Variants in SASS6 observed in about 807,000 individuals in gnomAD.
SASS6 encodes SAS-6 centriolar assembly protein, also known as spindle assembly abnormal protein 6 homolog.
Under a neutral mutation model 94.9 loss-of-function variants are expected in SASS6, and 59 were observed. The ratio of observed to expected loss-of-function variants is 0.62; its 90% CI spans 0.50 to 0.77. SASS6 has a LOEUF of 0.77. Among genes scored for constraint, SASS6 ranks in the 30% least tolerant of loss-of-function variants. SASS6 has a pLI of 0.00. For synonymous variants in SASS6, 264 were observed against 270.0 expected (o/e 0.98, Z 0.22); for missense variants, 698 against 734.1 (o/e 0.95, Z 0.57).
chr1:100,122,631 C>T (rs1320624372), intron 3 of SASS6, 147 bp from the exon 4 acceptor site: 1 of 386,604 alleles, frequency 2.6e-6, no homozygotes, highest in Non-Finnish European at 4.5e-6. Flanking sequence ...TGGCTCACTG[C>T]AACCTCTGCC....
intron 12 of SASS6, 125 bp downstream of exon 12, chr1:100,106,787 G>T: frequency 1.7e-6 from 1 of 572,726 alleles, no homozygotes; most frequent in East Asian, 3.3e-5. Context: ...CAAAGTGGTG[G>T]AGGCTGCAGT....
intron 7 of SASS6, among the ~76,000 whole-genome samples, chr1:100,112,337 T>C (rs962168803): frequency 6.6e-6 from 1 of 152,082 alleles, no homozygotes; most frequent in African/African-American, 2.4e-5. Flanking sequence ...TGATGAAATA[T>C]AGAAGTCAGA....
At chr1:100,092,172 AAT>A (rs147128992) in intron 14 of SASS6, among the ~76,000 whole-genome samples, 11,238 of 151,060 alleles carry the variant, frequency 0.074, 633 homozygotes, top group African/African-American at 0.16. Context: ...AAAAACTAAA[AAT>A]ATATATATAT....
chr1:100,111,697 A>T (rs1653343945), intron 7 of SASS6, among the ~76,000 whole-genome samples: 1 of 152,152 alleles, frequency 6.6e-6, no homozygotes, highest in Non-Finnish European at 1.5e-5. Flanking sequence ...GGAATTTTAC[A>T]TTACTACTTC....
intron 7 of SASS6, among the ~76,000 whole-genome samples, chr1:100,113,380 G>A (rs902895151): frequency 1.2e-4 from 18 of 151,940 alleles, no homozygotes; most frequent in Admixed American, 4.6e-4. Flanking sequence ...AGGCTGAGGC[G>A]GGCGGATCAC....
rs1651150384 is a variant in SASS6 at position 100,085,267 on chromosome 1, CAT to C, written c.*59_*60del. 24 of 1,024,176 alleles carry C rather than the reference CAT, an allele frequency of 2.3e-5. 1 individual carries two copies. In the South Asian group the frequency reaches 2.7e-4, roughly 11 times the overall value. The allele number at this position is 1,024,176 out of a possible 1,614,324, so 63.4% of individuals were successfully genotyped here. Reference sequence around the variant, plus strand: ...TATTTGAGGATCTGGTTTGTGTTGACATATTTTTTAAGCACCTGAGTTTCTAA... The same window carrying C: ...TATTTGAGGATCTGGTTTGTGTTGACATTTTTTAAGCACCTGAGTTTCTAA... On this transcript the variant is annotated 3_prime_UTR_variant, in exon 17 of 17. Transcript: ENST00000287482.
rs749487409 is a variant in SASS6 at position 100,121,482 on chromosome 1, C to G, written c.379G>C (p.Glu127Gln). Residue 127 changes from glutamate (E) to glutamine (Q), a missense_variant, in exon 5 of 17, where the codon GAG becomes CAG. Transcript: ENST00000287482. ...DNSPAFLNVVETNPFKHLTHL... is the reference protein window; with the variant it reads ...DNSPAFLNVVQTNPFKHLTHL... The stretch of plus-strand genomic sequence containing the variant: ...GTAAGATGCTTAAAAGGATTTGTCT[C>G]TACCACATTTAAAAATGCAGGTGAG... 6.3e-7 allele frequency: 1 copy of G among 1,598,332 alleles called. No individual in the cohort carries two copies. Among genetic ancestry groups the G allele is most frequent in the Non-Finnish European group, 8.6e-7 (1 of 1,168,856 alleles).
chr1:100,109,115 T>C (rs896299845), intron 8 of SASS6, among the ~76,000 whole-genome samples: 1 of 151,978 alleles, frequency 6.6e-6, no homozygotes, highest in African/African-American at 2.4e-5. Context: ...CTGAGAATAA[T>C]GAAATCAGAG....
Position 100,119,048 on chromosome 1 carries a change from T to G in SASS6, c.639A>C (p.Glu213Asp). 1 of 1,591,048 alleles carries G rather than the reference T, an allele frequency of 6.3e-7. No individual in the cohort carries two copies. The highest frequency in any genetic ancestry group is 1.3e-5 in the African/African-American group (1 of 74,724). ...AGGCTTTTTCCTTTTCATTTGTCAG[T>G]TCCTGAGAATGCTTGTTTGTCAAGG... ...TAALTNKHSQ[E>D]LTNEKEKALQ... Residue 213 changes from glutamate to aspartate, a missense_variant, in exon 7 of 17, where the codon GAA becomes GAC. Coordinates refer to ENST00000287482, the MANE Select transcript of SASS6 (RefSeq NM_194292.3).
At position 100,107,960 on chromosome 1, in the gene SASS6, C is replaced by A; in HGVS notation, c.906G>T (p.Glu302Asp). ...TKQEVLSLRR[E>D]NSTLDVECHE... The stretch of plus-strand genomic sequence containing the variant: ...GGCATTCAACATCTAGTGTAGAATT[C>A]TCTCTTCGCAAAGAGAGGACTTCTT... The change falls in exon 9 of 17, where the codon GAG becomes GAT. Residue 302 changes from glutamate to aspartate, a missense_variant. By Grantham distance (45) the Glu-to-Asp change is conservative. Coordinates refer to ENST00000287482, the MANE Select transcript of SASS6 (RefSeq NM_194292.3). 2 of 1,612,582 alleles carry A rather than the reference C, an allele frequency of 1.2e-6. No homozygotes were observed. Among genetic ancestry groups the A allele is most frequent in the Non-Finnish European group, 1.7e-6 (2 of 1,179,296 alleles).
chr1:100,096,577 G>A (rs1387102870), intron 14 of SASS6, among the ~76,000 whole-genome samples: 1 of 152,092 alleles, frequency 6.6e-6, no homozygotes, highest in African/African-American at 2.4e-5. Flanking sequence ...TATTTCAAAA[G>A]ACACATTGAG....
chr1:100,127,470 G>C lies in SASS6; in HGVS notation c.66-1528C>G, dbSNP rs1290840169. ...GTTTAAAATGTGTCATTTTAGTTAA[G>C]TTTCTTGTTGAACATATGATTGGAT... On this transcript the variant is annotated intron_variant, in intron 1 of 16. Transcript: ENST00000287482. Among the ~76,000 whole-genome samples, 3 of 62,544 alleles carry C rather than the reference G, an allele frequency of 4.8e-5. No individual in the cohort carries two copies. The East Asian group carries it at 4.6e-3, about 96-fold the overall frequency. 41.0% of individuals were successfully genotyped at this position (62,544 alleles called of 152,430 possible). A position where few individuals can be genotyped will look rare whatever the true frequency, so the allele number is the denominator to read the frequency against.
intron 15 of SASS6, among the ~76,000 whole-genome samples, chr1:100,087,786 C>G (rs184224576): frequency 1.5e-4 from 23 of 152,012 alleles, no homozygotes; most frequent in African/African-American, 5.3e-4. Flanking sequence ...TATAAGAAAA[C>G]AAAAACAGCT....
At chr1:100,085,851 CTGGGATAAGGATGG>C (rs1469893057) in intron 15 of SASS6, among the ~76,000 whole-genome samples, 1 of 151,872 alleles carries the variant, frequency 6.6e-6, no homozygotes, top group Non-Finnish European at 1.5e-5. Flanking sequence ...ATTTTAAGAG[CTGGGATAAGGATGG>C]TGGGAAAAAT....
intron 12 of SASS6, 69 bp downstream of exon 12, chr1:100,106,843 G>T: frequency 1.4e-6 from 1 of 717,434 alleles, no homozygotes; most frequent in Non-Finnish European, 2.5e-6. Flanking sequence ...GACAGAGTGA[G>T]ACCGTGTCTC....
chr1:100,119,074 CT>C lies in SASS6; in HGVS notation c.612del (p.Ala205ProfsTer2). The C allele has an allele frequency of 6.3e-7, 1 of 1,590,912 alleles. No homozygotes were observed. The highest frequency in any genetic ancestry group is 8.6e-7 in the Non-Finnish European group (1 of 1,164,390). On this transcript the variant is annotated frameshift_variant, in exon 7 of 17. Coordinates refer to ENST00000287482, the MANE Select transcript of SASS6 (RefSeq NM_194292.3). LOFTEE classifies it high-confidence loss of function. ...TCCTGAGAATGCTTGTTTGTCAAGG[CT>C]GCTGTATGTGACGCCCATTCATTCC... ...KLRNEWASHT[A>X]ALTNKHSQEL...
At chr1:100,105,352 T>C in intron 13 of SASS6, among the ~76,000 whole-genome samples, 1 of 151,758 alleles carries the variant, frequency 6.6e-6, no homozygotes, top group South Asian at 2.1e-4. Flanking sequence ...CAGGGTGAAA[T>C]CTGTTTCTAC....
chr1:100,095,642 G>T (rs1015178341), intron 14 of SASS6, among the ~76,000 whole-genome samples: 1 of 152,200 alleles, frequency 6.6e-6, no homozygotes, highest in Admixed American at 6.5e-5. Context: ...ATTATTTTCA[G>T]ATGACATAAC....
At chr1:100,132,633 A>G in intron 1 of SASS6, 117 bp downstream of exon 1, 2 of 871,230 alleles carry the variant, frequency 2.3e-6, no homozygotes, top group South Asian at 2.7e-5. Flanking sequence ...TCCGCTTCCT[A>G]GGGGGGCCGA....
Sources: gnomAD v4.1 joint callset for allele counts (sites outside exome capture counted in the v4.1 genomes callset) on GRCh38, gnomAD v4.1.1 for gene constraint, MANE v1.5 for transcripts, NCBI Gene and HGNC (gene_info 2026-07-23, HGNC 2026-07-21) for gene names.